Variants in FMNL2 observed in about 807,000 individuals in gnomAD.
The protein encoded by FMNL2 is formin like 2.
FMNL2 carries 51 observed loss-of-function variants against 130.2 expected under a neutral mutation model. The ratio of observed to expected loss-of-function variants is 0.39; its 90% CI spans 0.31 to 0.49. FMNL2 has a LOEUF of 0.49. FMNL2 is among the 20% of genes least tolerant of loss of function. The pLI is 0.85. For synonymous variants in FMNL2, 465 were observed against 467.1 expected, an observed-to-expected ratio of 1.00 and a Z score of 0.06; for missense variants, 977 against 1,316.2, an observed-to-expected ratio of 0.74 and a Z score of 3.99.
chr2:152,348,872 G>T (rs1682296509), intron 1 of FMNL2, among the ~76,000 whole-genome samples: 2 of 107,276 alleles, frequency 1.9e-5, no homozygotes, highest in African/African-American at 4.1e-5. Flanking sequence ...CTGTCGCCCA[G>T]GCCGGACTGT....
chr2:152,514,915 C>A (rs929228260), intron 1 of FMNL2, among the ~76,000 whole-genome samples: 2 of 152,136 alleles, frequency 1.3e-5, no homozygotes, highest in African/African-American at 2.4e-5. Flanking sequence ...TTTGCCCAAA[C>A]TCTATGATGC....
chr2:152,408,281 C>T (rs1686104832), intron 1 of FMNL2, among the ~76,000 whole-genome samples: 1 of 152,034 alleles, frequency 6.6e-6, no homozygotes, highest in South Asian at 2.1e-4. Context: ...TGAATTCTAC[C>T]TTGTATCTTT....
chr2:152,631,410 AAAAAAT>A (rs1437271877), intron 20 of FMNL2, among the ~76,000 whole-genome samples: 1 of 151,798 alleles, frequency 6.6e-6, no homozygotes, highest in Non-Finnish European at 1.5e-5. Context: ...AAAAAAAAAA[AAAAAAT>A]AGAGCAGTTA....
intron 1 of FMNL2, among the ~76,000 whole-genome samples, chr2:152,356,813 TA>T: frequency 6.6e-6 from 1 of 151,794 alleles, no homozygotes; most frequent in South Asian, 2.1e-4. Flanking sequence ...CAGTGTTAAC[TA>T]AGTGCAGGAA....
chr2:152,573,084 C>T (rs1462919654), intron 6 of FMNL2, among the ~76,000 whole-genome samples: 1 of 152,020 alleles, frequency 6.6e-6, no homozygotes, highest in East Asian at 1.9e-4. Context: ...AAATATAGAG[C>T]AAAATTTCCT....
At chr2:152,427,658 A>G (rs1386096028) in intron 1 of FMNL2, among the ~76,000 whole-genome samples, 1 of 152,220 alleles carries the variant, frequency 6.6e-6, no homozygotes, top group Non-Finnish European at 1.5e-5. Context: ...TCAAGGTAAT[A>G]TGTGAAATGA....
intron 1 of FMNL2, among the ~76,000 whole-genome samples, chr2:152,354,120 C>T (rs1682660247): frequency 6.6e-6 from 1 of 152,174 alleles, no homozygotes; most frequent in African/African-American, 2.4e-5. Context: ...CATTTCAGAG[C>T]CTAATGGAAG....
At position 152,636,493 on chromosome 2, in the gene FMNL2, A is replaced by G; in HGVS notation, c.2747A>G (p.Glu916Gly). The G allele has an allele frequency of 3.1e-6, 5 of 1,611,036 alleles. No individual in the cohort carries two copies. Among genetic ancestry groups the G allele is most frequent in the Non-Finnish European group, 4.2e-6 (5 of 1,178,512 alleles). The part of the protein sequence containing the change: ...LQRGMDLTKR[E>G]YTMHDHNTLL... ...AGGGGAATGGACTTGACCAAGAGAGAGTACACCATGCATGACCATAACACG... is the reference window on the plus strand; with the variant it reads ...AGGGGAATGGACTTGACCAAGAGAGGGTACACCATGCATGACCATAACACG... The change falls in exon 22 of 26, where the codon GAG becomes GGG. Residue 916 changes from glutamate to glycine, a missense_variant. Glu to Gly is a moderately conservative substitution (Grantham distance 98, BLOSUM62 -2). Transcript: ENST00000288670.
intron 1 of FMNL2, among the ~76,000 whole-genome samples, chr2:152,398,384 C>A (rs910131283): frequency 1.3e-5 from 2 of 152,056 alleles, no homozygotes; most frequent in African/African-American, 4.8e-5. Flanking sequence ...CAAAGAGATG[C>A]GAGAATTATA....
intron 1 of FMNL2, among the ~76,000 whole-genome samples, chr2:152,399,986 A>G (rs10931089): frequency 0.51 from 77,133 of 151,918 alleles, 20,995 homozygotes; most frequent in South Asian, 0.67. Flanking sequence ...TTACTGAAAC[A>G]GGACAGGCAG....
At chr2:152,596,086 C>T (rs1210996331) in intron 9 of FMNL2, among the ~76,000 whole-genome samples, 1 of 151,834 alleles carries the variant, frequency 6.6e-6, no homozygotes, top group Admixed American at 6.6e-5. Flanking sequence ...CCTCTGCCTC[C>T]AGAACGGCTG....
chr2:152,518,677 C>A (rs1171191458), intron 1 of FMNL2, among the ~76,000 whole-genome samples: 2 of 152,164 alleles, frequency 1.3e-5, no homozygotes, highest in African/African-American at 4.8e-5. Context: ...CCTCCCCAGC[C>A]CTTAAGTCTA....
At chr2:152,581,633 C>T (rs746250314) in intron 9 of FMNL2, among the ~76,000 whole-genome samples, 3 of 151,992 alleles carry the variant, frequency 2.0e-5, no homozygotes, top group Non-Finnish European at 4.4e-5. Context: ...ATCACCGCCG[C>T]GGGCCCTGCC....
chr2:152,615,734 A>G (rs1035679008), intron 12 of FMNL2, among the ~76,000 whole-genome samples: 7 of 152,236 alleles, frequency 4.6e-5, no homozygotes, highest in South Asian at 2.1e-4. Flanking sequence ...ATGAAGACCA[A>G]ATTCTTTTGG....
intron 25 of FMNL2, among the ~76,000 whole-genome samples, chr2:152,647,092 G>A (rs968483809): frequency 3.9e-5 from 6 of 152,024 alleles, no homozygotes; most frequent in African/African-American, 1.2e-4. Context: ...GGTAGAGCTC[G>A]GTAGTCCCCA....
intron 21 of FMNL2, among the ~76,000 whole-genome samples, chr2:152,634,720 A>C (rs1238954935): frequency 6.6e-6 from 1 of 152,188 alleles, no homozygotes; most frequent in Non-Finnish European, 1.5e-5. Context: ...TCAACTTTTC[A>C]AGCGTTGGTT....
intron 25 of FMNL2, among the ~76,000 whole-genome samples, chr2:152,644,388 AG>A (rs1400257783): frequency 2.0e-5 from 3 of 152,350 alleles, no homozygotes; most frequent in African/African-American, 7.2e-5. Flanking sequence ...GACTTGCAGA[AG>A]GAACTGTGAA....
At chr2:152,385,413 C>A (rs1684725887) in intron 1 of FMNL2, among the ~76,000 whole-genome samples, 2 of 152,176 alleles carry the variant, frequency 1.3e-5, no homozygotes, top group Non-Finnish European at 2.9e-5. Context: ...AATATGCTTC[C>A]AATAAAAACC....
intron 3 of FMNL2, among the ~76,000 whole-genome samples, chr2:152,543,200 C>A (rs1285868088): frequency 6.6e-6 from 1 of 152,204 alleles, no homozygotes; most frequent in Non-Finnish European, 1.5e-5. Flanking sequence ...TGAAAAATCA[C>A]TGGGCCTTTG....
Sources: allele counts gnomAD v4.1 joint callset (sites outside exome capture counted in the v4.1 genomes callset), GRCh38; gene constraint gnomAD v4.1.1; transcripts MANE v1.5; gene names NCBI Gene and HGNC (gene_info 2026-07-23, HGNC 2026-07-21).